The following PRTG variants were observed in gnomAD, a reference collection of about 807,000 sequenced individuals.
PRTG encodes the protein immunoglobulin superfamily, DCC subclass, member 5.
Under a neutral mutation model 122.5 loss-of-function variants are expected in PRTG, and 67 were observed. The observed-to-expected ratio is 0.55, with a 90% CI of 0.45 to 0.67. The LOEUF is 0.67. Ranked by LOEUF, PRTG falls within the 30% of genes least tolerant of loss-of-function variation. The pLI, the probability that PRTG is intolerant of heterozygous loss-of-function variation, is 0.00. For synonymous variants in PRTG, 554 were observed against 501.1 expected, an observed-to-expected ratio of 1.11 and a Z score of -1.41; for missense variants, 1,435 against 1,415.4, an observed-to-expected ratio of 1.01 and a Z score of -0.22.
intron 2 of PRTG, among the ~76,000 whole-genome samples, chr15:55,727,806 A>C (rs941773591): frequency 6.6e-6 from 1 of 152,164 alleles, no homozygotes; most frequent in African/African-American, 2.4e-5. Flanking sequence ...AAAAGAAAAA[A>C]AGAAACACCC....
intron 12 of PRTG, among the ~76,000 whole-genome samples, chr15:55,640,324 G>A (rs1165243830): frequency 2.6e-5 from 4 of 152,248 alleles, no homozygotes; most frequent in Non-Finnish European, 4.4e-5. Context: ...TGTCATAGGT[G>A]ATAGGAATTT....
chr15:55,735,061 A>AT (rs1193002825), intron 2 of PRTG, among the ~76,000 whole-genome samples: 10 of 152,306 alleles, frequency 6.6e-5, no homozygotes, highest in African/African-American at 1.9e-4. Context: ...TAAAATGATG[A>AT]TTTTTTTAAA....
At chr15:55,651,072 G>C (rs1167394088) in intron 11 of PRTG, among the ~76,000 whole-genome samples, 1 of 152,192 alleles carries the variant, frequency 6.6e-6, no homozygotes, top group Non-Finnish European at 1.5e-5. Flanking sequence ...TTCCAAGTCT[G>C]TGCTTTTGGG....
chr15:55,653,694 C>A (rs2141758106), intron 11 of PRTG, among the ~76,000 whole-genome samples: 1 of 152,270 alleles, frequency 6.6e-6, no homozygotes, highest in East Asian at 1.9e-4. Flanking sequence ...GAACTCCTGA[C>A]CTCAGGTGAT....
intron 15 of PRTG, among the ~76,000 whole-genome samples, chr15:55,635,430 C>T (rs1045459735): frequency 2.0e-5 from 3 of 152,196 alleles, no homozygotes; most frequent in Non-Finnish European, 2.9e-5. Context: ...CCTATCAAAA[C>T]TGTAATATGG....
At chr15:55,723,453 C>T (rs944565124) in intron 2 of PRTG, among the ~76,000 whole-genome samples, 5 of 144,934 alleles carry the variant, frequency 3.4e-5, no homozygotes, top group Admixed American at 6.9e-5. Flanking sequence ...ATCAAGCAGA[C>T]GAACATATGC....
At position 55,710,938 on chromosome 15, in the gene PRTG, C is replaced by T. The variant is rs150276716; in HGVS notation, c.398-27007G>A. On this transcript the variant is annotated intron_variant, in intron 2 of 19. Transcript: ENST00000389286. Reference sequence around the variant, plus strand: ...TTTGTTTTTTTGAGACAGAGTTTTGCTCTTGTCGCCCGGGCTGGAGTACAA... The same window carrying T: ...TTTGTTTTTTTGAGACAGAGTTTTGTTCTTGTCGCCCGGGCTGGAGTACAA... Among the ~76,000 whole-genome samples, 5 of 152,038 alleles carry T rather than the reference C, an allele frequency of 3.3e-5. No individual in the cohort carries two copies. The East Asian group carries it at 7.7e-4, about 24-fold the overall frequency.
rs576862685 is a variant in PRTG at position 55,614,137 on chromosome 15, G to C, written c.*5875C>G. On this transcript the variant is annotated 3_prime_UTR_variant, in exon 20 of 20. Coordinates refer to ENST00000389286, the MANE Select transcript of PRTG (RefSeq NM_173814.6). ...TAGTTGAAGAAATGCTGAAAATTGG[G>C]GTGGAATTAGACATTATGTTTTAAA... 6.6e-6 allele frequency: 1 copy of C among 152,156 alleles called. No individual in the cohort carries two copies. The highest frequency in any genetic ancestry group is 2.1e-4 in the South Asian group (1 of 4,826). 9.4% of individuals were successfully genotyped at this position (152,156 alleles called of 1,614,324 possible). A position where few individuals can be genotyped will look rare whatever the true frequency, so the allele number is the denominator to read the frequency against.
chr15:55,679,533 G>C (rs1015803581), intron 6 of PRTG, 88 bp from the exon 7 acceptor site: 9 of 981,312 alleles, frequency 9.2e-6, no homozygotes, highest in African/African-American at 1.6e-5. Context: ...AATGAAACAA[G>C]CCCCATTCCT....
intron 12 of PRTG, chr15:55,640,078 C>A: frequency 2.1e-6 from 1 of 486,678 alleles, no homozygotes; most frequent in Non-Finnish European, 2.7e-6. Context: ...TTAGGTTTTT[C>A]ATCAGGGGAT....
chr15:55,645,490 A>G (rs961721083), intron 11 of PRTG, among the ~76,000 whole-genome samples: 1 of 149,060 alleles, frequency 6.7e-6, no homozygotes, highest in Non-Finnish European at 1.5e-5. Flanking sequence ...TAGTGTTAAG[A>G]TAAACATCAC....
intron 4 of PRTG, 87 bp downstream of exon 4, chr15:55,682,277 T>C (rs893809489): frequency 1.8e-6 from 2 of 1,107,944 alleles, no homozygotes; most frequent in East Asian, 2.9e-5. Flanking sequence ...AATTCTACTT[T>C]ATGGCACATT....
At chr15:55,735,465 T>C (rs570720370) in intron 2 of PRTG, among the ~76,000 whole-genome samples, 4 of 152,226 alleles carry the variant, frequency 2.6e-5, no homozygotes, top group African/African-American at 9.6e-5. Context: ...TATTTTAAAT[T>C]GCTCTGGACT....
At chr15:55,663,660 G>A (rs982901959) in intron 11 of PRTG, among the ~76,000 whole-genome samples, 4 of 151,714 alleles carry the variant, frequency 2.6e-5, no homozygotes, top group African/African-American at 9.7e-5. Flanking sequence ...TCCCGCCTCA[G>A]CCTCCGAAGC....
chr15:55,703,692 T>A (rs1488090800), intron 2 of PRTG, among the ~76,000 whole-genome samples: 1 of 152,232 alleles, frequency 6.6e-6, no homozygotes, highest in Non-Finnish European at 1.5e-5. Flanking sequence ...CTAGAGCTGA[T>A]AAAATGAAGA....
At chr15:55,620,372 C>G (rs1016230334) in intron 19 of PRTG, 106 bp from the exon 20 acceptor site, 2 of 1,515,084 alleles carry the variant, frequency 1.3e-6, no homozygotes, top group African/African-American at 1.4e-5. Context: ...CAGAATTACC[C>G]GTGGCAAGCG....
chr15:55,728,973 A>C (rs1256748202), intron 2 of PRTG, among the ~76,000 whole-genome samples: 2 of 152,252 alleles, frequency 1.3e-5, no homozygotes, highest in African/African-American at 4.8e-5. Flanking sequence ...TTGAAAAGGA[A>C]ATTAAACAAT....
At chr15:55,623,366 G>A (rs563638800) in intron 18 of PRTG, among the ~76,000 whole-genome samples, 7 of 152,232 alleles carry the variant, frequency 4.6e-5, no homozygotes, top group Admixed American at 1.3e-4. Flanking sequence ...TCAGTAGTTC[G>A]AGACCAGCCT....
At chr15:55,647,922 T>C (rs2059333071) in intron 11 of PRTG, among the ~76,000 whole-genome samples, 1 of 152,230 alleles carries the variant, frequency 6.6e-6, no homozygotes. Context: ...AAGTGTGTGT[T>C]GGCTTGCGTA....
Sources: allele counts gnomAD v4.1 joint callset (sites outside exome capture counted in the v4.1 genomes callset), GRCh38; gene constraint gnomAD v4.1.1; transcripts MANE v1.5; gene names NCBI Gene and HGNC (gene_info 2026-07-23, HGNC 2026-07-21).